The following SLC25A30 variants were observed in gnomAD, a reference collection of about 807,000 sequenced individuals.
The protein encoded by SLC25A30 is solute carrier family 25 member 30, also known as kidney mitochondrial carrier protein 1.
SLC25A30 carries 29 observed loss-of-function variants against 42.7 expected under a neutral mutation model. The ratio of observed to expected loss-of-function variants is 0.68; its 90% CI spans 0.51 to 0.93. SLC25A30 has a LOEUF of 0.93. SLC25A30 is among the 40% of genes least tolerant of loss of function. The pLI is 0.00. For synonymous variants in SLC25A30, 124 were observed against 131.0 expected, an observed-to-expected ratio of 0.95 and a Z score of 0.37; for missense variants, 300 against 359.7, an observed-to-expected ratio of 0.83 and a Z score of 1.34.
At chr13:45,429,449 A>G in the SLC25A30 span, among the ~76,000 whole-genome samples, 2 of 152,056 alleles carry the variant, frequency 1.3e-5, no homozygotes, top group East Asian at 3.9e-4. Flanking sequence ...CCCCAGAACT[A>G]AGGAAGAAAC....
At chr13:45,433,720 G>A in the SLC25A30 span, among the ~76,000 whole-genome samples, 2 of 152,116 alleles carry the variant, frequency 1.3e-5, no homozygotes, top group East Asian at 1.9e-4. Flanking sequence ...CTGTTCTGAC[G>A]GGGCCACAGC....
Position 45,408,972 on chromosome 13 carries a change from A to G in SLC25A30, c.167T>C (p.Leu56Ser). Residue 56 changes from leucine to serine, a missense_variant, in exon 3 of 10, where the codon TTA becomes TCA. Transcript: ENST00000519676. ...CCCTTCTTCTCTGCCTATCCTCACT[A>G]ATGCGTGCAACATTCCTCGGTATCT... ...EIRYRGMLHA[L>S]VRIGREEGLK... 1 of 1,613,404 alleles carries G rather than the reference A, an allele frequency of 6.2e-7. No homozygotes were observed. Among genetic ancestry groups the G allele is most frequent in the Non-Finnish European group, 8.5e-7 (1 of 1,179,754 alleles).
At chr13:45,420,621 T>C (rs1883869047), upstream of SLC25A30, among the ~76,000 whole-genome samples, 1 of 152,200 alleles carries the variant, frequency 6.6e-6, no homozygotes, top group African/African-American at 2.4e-5. Context: ...CCCATGCTAA[T>C]ACTCAGATAA....
the SLC25A30 span, among the ~76,000 whole-genome samples, chr13:45,423,764 A>ATATAAATATG: frequency 6.0e-5 from 5 of 82,728 alleles, no homozygotes; most frequent in Non-Finnish European, 1.0e-4. Context: ...ATATAAATAT[A>ATATAAATATG]TAAAAATATA....
chr13:45,412,512 C>T (rs1883123955), intron 1 of SLC25A30, among the ~76,000 whole-genome samples: 1 of 152,106 alleles, frequency 6.6e-6, no homozygotes, highest in Admixed American at 6.6e-5. Context: ...GGGGTCAGAG[C>T]CACCCCACAC....
upstream of SLC25A30, among the ~76,000 whole-genome samples, chr13:45,418,973 A>C (rs1320520962): frequency 8.4e-6 from 1 of 119,670 alleles, no homozygotes; most frequent in Non-Finnish European, 1.7e-5. Context: ...AAAAAAAAAA[A>C]AAAAAAAAAA....
At chr13:45,412,738 A>C (rs1883143777) in intron 1 of SLC25A30, among the ~76,000 whole-genome samples, 1 of 152,184 alleles carries the variant, frequency 6.6e-6, no homozygotes, top group Non-Finnish European at 1.5e-5. Context: ...TTTCCATAAT[A>C]AGACCTTGCT....
chr13:45,414,635 TACAC>T (rs145462442), intron 1 of SLC25A30, among the ~76,000 whole-genome samples: 5,484 of 139,970 alleles, frequency 0.039, 252 homozygotes, highest in African/African-American at 0.11. Context: ...CACACACACA[TACAC>T]ACACACACAC....
chr13:45,417,933 G>A (rs1883680533), intron 1 of SLC25A30, among the ~76,000 whole-genome samples: 1 of 152,214 alleles, frequency 6.6e-6, no homozygotes, highest in Non-Finnish European at 1.5e-5. Flanking sequence ...TGGGAGGGAC[G>A]CACAAGCAGG....
chr13:45,424,570 A>AAT, the SLC25A30 span, among the ~76,000 whole-genome samples: 3 of 27,444 alleles, frequency 1.1e-4, no homozygotes, highest in Admixed American at 6.1e-4. Context: ...TAAATGTATA[A>AAT]ATATATAAAT....
At position 45,399,094 on chromosome 13, in the gene SLC25A30, T is replaced by G; in HGVS notation, c.615-16A>C. On this transcript the variant is annotated splice_polypyrimidine_tract_variant and intron_variant, in intron 7 of 9. Transcript: ENST00000519676. ...GAAGCTTGAGCTATAAAGACACCAT[T>G]GGAAAAAAAAAAAAAAGTTAACCAT... The G allele has an allele frequency of 6.5e-7, 1 of 1,547,980 alleles. No homozygotes were observed. Among genetic ancestry groups the G allele is most frequent in the Non-Finnish European group, 8.7e-7 (1 of 1,153,062 alleles).
At chr13:45,399,998 A>AATGG (rs1267356652) in intron 7 of SLC25A30, among the ~76,000 whole-genome samples, 2 of 132,680 alleles carry the variant, frequency 1.5e-5, no homozygotes, top group African/African-American at 5.7e-5. Flanking sequence ...ATTGCCCACC[A>AATGG]ATGGATTATG....
At chr13:45,400,994 T>C in intron 7 of SLC25A30, 89 bp downstream of exon 7, 2 of 1,220,890 alleles carry the variant, frequency 1.6e-6, no homozygotes, top group Non-Finnish European at 2.2e-6. Context: ...ACTTCTGCAT[T>C]GCAACTTTTC....
chr13:45,402,422 C>A, intron 5 of SLC25A30, 52 bp from the exon 6 acceptor site: 1 of 1,443,024 alleles, frequency 6.9e-7, no homozygotes, highest in Non-Finnish European at 9.8e-7. Context: ...ACAATCCCAC[C>A]CACAACCAAT....
At chr13:45,430,457 A>T in the SLC25A30 span, among the ~76,000 whole-genome samples, 1 of 152,210 alleles carries the variant, frequency 6.6e-6, no homozygotes, top group Non-Finnish European at 1.5e-5. Context: ...ATGGAGAAGG[A>T]TGAAGCAGAT....
chr13:45,426,014 T>A, the SLC25A30 span, among the ~76,000 whole-genome samples: 1 of 147,140 alleles, frequency 6.8e-6, no homozygotes, highest in Non-Finnish European at 1.5e-5. Context: ...ATTATATATA[T>A]ACATATAAAA....
intron 5 of SLC25A30, 31 bp downstream of exon 5, chr13:45,404,296 G>A (rs780659099): frequency 7.0e-7 from 1 of 1,435,964 alleles, no homozygotes; most frequent in South Asian, 1.1e-5. Flanking sequence ...AATGTGGAAT[G>A]TGCCTATAAG....
At chr13:45,425,013 A>ACAT in the SLC25A30 span, among the ~76,000 whole-genome samples, 3 of 14,578 alleles carry the variant, frequency 2.1e-4, no homozygotes, top group African/African-American at 3.1e-4. Context: ...AATATATATA[A>ACAT]ATATACATAT....
intron 4 of SLC25A30, among the ~76,000 whole-genome samples, chr13:45,405,214 C>T (rs989082521): frequency 3.3e-5 from 5 of 152,314 alleles, no homozygotes; most frequent in Non-Finnish European, 5.9e-5. Flanking sequence ...CACGCGCCAC[C>T]GCACCCAGCC....
Sources: allele counts gnomAD v4.1 joint callset (sites outside exome capture counted in the v4.1 genomes callset), GRCh38; gene constraint gnomAD v4.1.1; transcripts MANE v1.5; gene names NCBI Gene and HGNC (gene_info 2026-07-23, HGNC 2026-07-21).